Variants in SLC9A4 observed in about 807,000 individuals in gnomAD.
SLC9A4 encodes the protein solute carrier family 9 member A4.
A neutral mutation model predicts 67.4 loss-of-function variants in SLC9A4; 63 were observed. The observed-to-expected ratio is 0.93, with a 90% CI of 0.76 to 1.15. The LOEUF (loss-of-function observed/expected upper bound fraction) is 1.15. Ranked by LOEUF, SLC9A4 falls within the 50% of genes most tolerant of loss-of-function variation. The probability of loss-of-function intolerance (pLI) is 0.00; values close to 1 mark genes in which losing one functional copy is unlikely to be tolerated. For synonymous variants in SLC9A4, 393 were observed against 367.2 expected, an observed-to-expected ratio of 1.07 and a Z score of -0.80; for missense variants, 1,089 against 987.7, an observed-to-expected ratio of 1.10 and a Z score of -1.38.
intron 2 of SLC9A4, among the ~76,000 whole-genome samples, chr2:102,495,271 A>G (rs567518256): frequency 1.3e-5 from 2 of 152,226 alleles, no homozygotes; most frequent in South Asian, 2.1e-4. Context: ...TTTAAATAAC[A>G]TTAAAAAGTA....
At chr2:102,508,395 C>A in intron 5 of SLC9A4, 114 bp downstream of exon 5, 3 of 992,774 alleles carry the variant, frequency 3.0e-6, no homozygotes, top group South Asian at 3.5e-5. Context: ...GCTCAATACC[C>A]AAACTAAATT....
rs1414327362 is a variant in SLC9A4 at position 102,514,251 on chromosome 2, A to G, written c.1721A>G (p.Gln574Arg). Residue 574 changes from glutamine to arginine, a missense_variant and splice_region_variant, in exon 8 of 12, where the codon CAG becomes CGG. By Grantham distance (43) the Gln-to-Arg change is conservative (BLOSUM62 1). Transcript: ENST00000295269. ...LSSTAFSIPH[Q>R]AQRIQGIKRL... is the part of the protein sequence containing the mutation. ...TCTACAGCTTTCTCCATACCCCATC[A>G]GTGAGTCATATCTGTTCTTTGTTCT... is the stretch of plus-strand genomic sequence containing the variant. 1.2e-6 allele frequency: 2 copies of G among 1,603,194 alleles called. No individual in the cohort carries two copies. Among genetic ancestry groups the G allele is most frequent in the Non-Finnish European group, 1.7e-6 (2 of 1,172,254 alleles).
intron 2 of SLC9A4, among the ~76,000 whole-genome samples, chr2:102,498,141 A>G (rs1684849824): frequency 6.6e-6 from 1 of 152,248 alleles, no homozygotes; most frequent in African/African-American, 2.4e-5. Flanking sequence ...CCTTCAGTGT[A>G]TAAAAGACAC....
Position 102,532,520 on chromosome 2 carries a change from G to T in SLC9A4, c.2229G>T (p.Val743=). ...QEEYLGGVRR[V]ALRPKPLFHA... ...AGTACTTGGGTGGAGTAAGGAGGGT[G>T]GCCTTAAGACCCAAACCTCTGTTTC... Residue 743 remains valine (V), a synonymous_variant, in exon 12 of 12, where the codon GTG becomes GTT. Coordinates refer to ENST00000295269, the MANE Select transcript of SLC9A4 (RefSeq NM_001011552.4). 2 of 1,614,124 alleles carry T rather than the reference G, an allele frequency of 1.2e-6. No homozygotes were observed. The highest frequency in any genetic ancestry group is 1.6e-4 in the Middle Eastern group (1 of 6,062).
chr2:102,487,821 G>A (rs943559601), intron 2 of SLC9A4, among the ~76,000 whole-genome samples: 2 of 152,178 alleles, frequency 1.3e-5, no homozygotes, highest in African/African-American at 4.8e-5. Flanking sequence ...AGGGAGAAAA[G>A]CAATGTCGCT....
intron 3 of SLC9A4, 80 bp downstream of exon 3, chr2:102,503,787 A>G: frequency 6.5e-7 from 1 of 1,537,752 alleles, no homozygotes; most frequent in Non-Finnish European, 8.8e-7. Context: ...GGCATCTGGG[A>G]AAGACATAAC....
At chr2:102,485,018 C>A (rs1176235427) in intron 2 of SLC9A4, among the ~76,000 whole-genome samples, 2 of 152,176 alleles carry the variant, frequency 1.3e-5, no homozygotes, top group African/African-American at 4.8e-5. Flanking sequence ...ATGGGTGCTT[C>A]ATGCCATTTT....
intron 4 of SLC9A4, 81 bp from the exon 5 acceptor site, chr2:102,507,998 C>T (rs1229410805): frequency 1.7e-5 from 23 of 1,348,230 alleles, no homozygotes; most frequent in African/African-American, 5.8e-5. Context: ...GCAGGGCACG[C>T]GCACACAACC....
At chr2:102,527,426 A>G (rs918080983) in intron 11 of SLC9A4, among the ~76,000 whole-genome samples, 2 of 152,210 alleles carry the variant, frequency 1.3e-5, no homozygotes, top group South Asian at 2.1e-4. Context: ...TAATGAGTTA[A>G]TAATAATTAT....
chr2:102,500,378 G>C (rs1329333857), intron 2 of SLC9A4, among the ~76,000 whole-genome samples: 1 of 152,160 alleles, frequency 6.6e-6, no homozygotes, highest in Non-Finnish European at 1.5e-5. Context: ...AACAGTGAGA[G>C]GATACATTTT....
chr2:102,493,559 C>T (rs1684748217), intron 2 of SLC9A4, among the ~76,000 whole-genome samples: 2 of 151,764 alleles, frequency 1.3e-5, no homozygotes, highest in Admixed American at 6.5e-5. Flanking sequence ...AGGTAACCAT[C>T]CCCATGATTC....
intron 1 of SLC9A4, among the ~76,000 whole-genome samples, chr2:102,475,099 G>A (rs1021367582): frequency 2.6e-5 from 4 of 152,140 alleles, no homozygotes; most frequent in Non-Finnish European, 5.9e-5. Context: ...ATATTAAATA[G>A]GAATGTTAGT....
intron 1 of SLC9A4, among the ~76,000 whole-genome samples, chr2:102,476,701 AAGAAGGAGGAGATGGATAAGG>A (rs1684340559): frequency 6.6e-6 from 1 of 152,120 alleles, no homozygotes; most frequent in South Asian, 2.1e-4. Context: ...GGAGAAAGAG[AAGAAGGAGGAGATGGATAAGG>A]AGAAGGAGGA....
chr2:102,530,105 G>A (rs535166543), intron 11 of SLC9A4, among the ~76,000 whole-genome samples: 5 of 152,270 alleles, frequency 3.3e-5, no homozygotes, highest in African/African-American at 7.2e-5. Flanking sequence ...TTTATGTTAC[G>A]TATATTTTAC....
chr2:102,481,968 A>G (rs975346057), intron 2 of SLC9A4, among the ~76,000 whole-genome samples: 1 of 152,144 alleles, frequency 6.6e-6, no homozygotes, highest in Non-Finnish European at 1.5e-5. Context: ...AATCTGTGCC[A>G]TACCCATGGA....
In SLC9A4 at chr2:102,533,608, G is replaced by A. The variant is rs1214254174; in HGVS notation, c.*920G>A. On this transcript the variant is annotated 3_prime_UTR_variant, in exon 12 of 12. Transcript: ENST00000295269. Reference sequence around the variant, plus strand: ...GCTGCACCCGCTAACTCGTCATCTAGCATTAGGTGTATCTCCCAATGCTAT... The same window carrying A: ...GCTGCACCCGCTAACTCGTCATCTAACATTAGGTGTATCTCCCAATGCTAT... 2 of 150,108 alleles carry A rather than the reference G, an allele frequency of 1.3e-5. No individual in the cohort carries two copies. Among genetic ancestry groups the A allele is most frequent in the Non-Finnish European group, 3.0e-5 (2 of 67,586 alleles). The allele number at this position is 150,108 out of a possible 1,614,324, so 9.3% of individuals were successfully genotyped here. A position where few individuals can be genotyped will look rare whatever the true frequency, so the allele number is the denominator to read the frequency against.
chr2:102,517,274 C>G (rs998773158), intron 8 of SLC9A4, among the ~76,000 whole-genome samples: 18 of 152,068 alleles, frequency 1.2e-4, no homozygotes, highest in Non-Finnish European at 1.9e-4. Context: ...TCTTCTGAGC[C>G]CACTTTTCCT....
chr2:102,521,847 C>T (rs1049460457), intron 9 of SLC9A4, among the ~76,000 whole-genome samples: 27 of 152,288 alleles, frequency 1.8e-4, no homozygotes, highest in African/African-American at 6.0e-4. Flanking sequence ...TCTTGGGCGT[C>T]GGGATTTACC....
intron 1 of SLC9A4, among the ~76,000 whole-genome samples, chr2:102,476,518 G>GA (rs2104410843): frequency 6.6e-6 from 1 of 152,320 alleles, no homozygotes; most frequent in South Asian, 2.1e-4. Flanking sequence ...TAAGGCAGGT[G>GA]AATGTTGGAA....
Sources: gnomAD v4.1 joint callset for allele counts (sites outside exome capture counted in the v4.1 genomes callset) on GRCh38, gnomAD v4.1.1 for gene constraint, MANE v1.5 for transcripts, NCBI Gene and HGNC (gene_info 2026-07-23, HGNC 2026-07-21) for gene names.